Variants in CD109 observed in about 807,000 individuals in gnomAD.
The protein encoded by CD109 is CD109 antigen.
A neutral mutation model predicts 165.8 loss-of-function variants in CD109; 149 were observed. That is an observed-to-expected ratio of 0.90 (90% CI 0.79 to 1.03). The LOEUF is 1.03. CD109 is among the 50% of genes least tolerant of loss of function. CD109 has a pLI of 0.00. For missense variants in CD109, 1,712 were observed against 1,677.8 expected (o/e 1.02, Z -0.36); for synonymous variants, 585 against 592.1 (o/e 0.99, Z 0.18).
At chr6:73,683,239 C>T in the CD109 span, among the ~76,000 whole-genome samples, 1 of 152,198 alleles carries the variant, frequency 6.6e-6, no homozygotes, top group African/African-American at 2.4e-5. Flanking sequence ...ACCCAAGTCA[C>T]CTCTTGAATG....
intron 5 of CD109, among the ~76,000 whole-genome samples, chr6:73,746,542 GA>G (rs1221598542): frequency 6.6e-6 from 1 of 151,868 alleles, no homozygotes; most frequent in Non-Finnish European, 1.5e-5. Flanking sequence ...TTAAATGGGT[GA>G]TTTTTGTTTA....
At chr6:73,688,761 GTTTTTTTT>G in the CD109 span, among the ~76,000 whole-genome samples, 61 of 73,530 alleles carry the variant, frequency 8.3e-4, 1 homozygote, top group Admixed American at 3.3e-3. Flanking sequence ...GTTTTTCTTT[GTTTTTTTT>G]TTTTTTTTTT....
intron 4 of CD109, among the ~76,000 whole-genome samples, chr6:73,731,914 T>C (rs970090999): frequency 4.6e-5 from 7 of 152,184 alleles, no homozygotes; most frequent in Non-Finnish European, 1.0e-4. Flanking sequence ...GGAACCCCTT[T>C]TGAAAGGTAG....
chr6:73,787,169 A>G (rs939843087), intron 20 of CD109, 65 bp from the exon 21 acceptor site: 1 of 1,027,690 alleles, frequency 9.7e-7, no homozygotes, highest in African/African-American at 1.6e-5. Context: ...TAAACTGGTG[A>G]TAAAAGAGCA....
intron 24 of CD109, among the ~76,000 whole-genome samples, chr6:73,804,711 T>C (rs1482024226): frequency 6.6e-6 from 1 of 152,252 alleles, no homozygotes; most frequent in Non-Finnish European, 1.5e-5. Flanking sequence ...TACAGTTTGC[T>C]TGTGAACTAT....
At chr6:73,719,005 A>G (rs564198706) in intron 2 of CD109, among the ~76,000 whole-genome samples, 80 of 152,186 alleles carry the variant, frequency 5.3e-4, no homozygotes, top group Non-Finnish European at 8.7e-4. Context: ...AGAAAGAGAA[A>G]CAGGTGAAAT....
chr6:73,735,502 A>T (rs1319097484), intron 4 of CD109, among the ~76,000 whole-genome samples: 1 of 152,064 alleles, frequency 6.6e-6, no homozygotes, highest in East Asian at 1.9e-4. Context: ...CAAATTAGAG[A>T]TATATTAACC....
At chr6:73,705,668 C>T (rs541451906) in intron 2 of CD109, among the ~76,000 whole-genome samples, 85 of 148,164 alleles carry the variant, frequency 5.7e-4, no homozygotes, top group Non-Finnish European at 9.5e-4. Context: ...GAATAGACAA[C>T]GAGCAATCAG....
chr6:73,682,412 C>A, the CD109 span, among the ~76,000 whole-genome samples: 111 of 152,366 alleles, frequency 7.3e-4, no homozygotes, highest in Non-Finnish European at 1.2e-3. Flanking sequence ...CCATGTCTCA[C>A]ATCCAGGTCA....
chr6:73,757,333 G>A (rs1011175361), intron 6 of CD109, among the ~76,000 whole-genome samples: 2 of 152,184 alleles, frequency 1.3e-5, no homozygotes, highest in African/African-American at 2.4e-5. Flanking sequence ...TGGGCCATAT[G>A]TCTCTGTTGT....
At chr6:73,781,835 A>ACACACAC (rs150665697) in intron 17 of CD109, among the ~76,000 whole-genome samples, 1 of 144,324 alleles carries the variant, frequency 6.9e-6, no homozygotes. Flanking sequence ...ACACACACAC[A>ACACACAC]CCCCTCATCA....
chr6:73,727,243 T>G (rs544868166), intron 3 of CD109, among the ~76,000 whole-genome samples: 16 of 152,136 alleles, frequency 1.1e-4, no homozygotes, highest in Non-Finnish European at 1.3e-4. Flanking sequence ...GAGGTCTGCA[T>G]TGACACCACA....
upstream of CD109, chr6:73,695,907 T>A: frequency 2.5e-6 from 1 of 393,256 alleles, no homozygotes; most frequent in Non-Finnish European, 4.7e-6. Context: ...GCGCGCTCTG[T>A]TCTCCGCGGC....
intron 2 of CD109, among the ~76,000 whole-genome samples, chr6:73,715,863 A>T (rs1771724335): frequency 6.6e-6 from 1 of 152,154 alleles, no homozygotes; most frequent in African/African-American, 2.4e-5. Context: ...ACTAGGTCTT[A>T]TTCATTTTTC....
At chr6:73,749,907 C>A (rs966831743) in intron 5 of CD109, among the ~76,000 whole-genome samples, 1 of 152,134 alleles carries the variant, frequency 6.6e-6, no homozygotes, top group Non-Finnish European at 1.5e-5. Flanking sequence ...TTAGGAAGAT[C>A]ACTTTGGTGG....
intron 5 of CD109, among the ~76,000 whole-genome samples, chr6:73,746,590 A>G (rs957447642): frequency 9.3e-5 from 14 of 150,690 alleles, no homozygotes; most frequent in Non-Finnish European, 1.8e-4. Context: ...TCTAGTTAGT[A>G]CTTTTTTTTT....
At chr6:73,726,218 C>A (rs1772137901) in intron 3 of CD109, among the ~76,000 whole-genome samples, 1 of 152,140 alleles carries the variant, frequency 6.6e-6, no homozygotes, top group South Asian at 2.1e-4. Context: ...ATAAATATTT[C>A]AAGAATGTGT....
At chr6:73,791,182 C>CACATACACATATATATATATATAT (rs1562071050) in intron 22 of CD109, among the ~76,000 whole-genome samples, 3 of 50,990 alleles carry the variant, frequency 5.9e-5, no homozygotes, top group African/African-American at 3.2e-4. Flanking sequence ...TATATACACA[C>CACATACACATATATATATATATAT]ACACACATAC....
chr6:73,762,000 T>C (rs1773653746), intron 7 of CD109, among the ~76,000 whole-genome samples: 1 of 152,134 alleles, frequency 6.6e-6, no homozygotes, highest in South Asian at 2.1e-4. Context: ...TCTTGCTGTG[T>C]TGTCCAGGCT....
Sources: allele counts gnomAD v4.1 joint callset (sites outside exome capture counted in the v4.1 genomes callset), GRCh38; gene constraint gnomAD v4.1.1; transcripts MANE v1.5; gene names NCBI Gene and HGNC (gene_info 2026-07-23, HGNC 2026-07-21).